Variants in ADCY2 observed in about 807,000 individuals in gnomAD.
ADCY2 encodes adenylate cyclase type 2.
In ADCY2, 31 loss-of-function variants were observed where a neutral mutation model predicts 125.2. The ratio of observed to expected loss-of-function variants is 0.25; its 90% CI spans 0.19 to 0.33. The LOEUF is 0.33. Among genes scored for constraint, ADCY2 ranks in the 10% least tolerant of loss-of-function variants. The probability of loss-of-function intolerance (pLI) is 1.00; values close to 1 mark genes in which losing one functional copy is unlikely to be tolerated. For synonymous variants in ADCY2, 512 were observed against 548.4 expected (o/e 0.93, Z 0.93); for missense variants, 904 against 1,418.2 (o/e 0.64, Z 5.82).
intron 2 of ADCY2, among the ~76,000 whole-genome samples, chr5:7,450,638 A>G (rs1273143284): frequency 6.6e-6 from 1 of 152,206 alleles, no homozygotes; most frequent in Non-Finnish European, 1.5e-5. Flanking sequence ...AAGTAGACAA[A>G]ATAACCTTCT....
intron 2 of ADCY2, among the ~76,000 whole-genome samples, chr5:7,487,642 A>G (rs763337334): frequency 6.6e-6 from 1 of 152,178 alleles, no homozygotes; most frequent in African/African-American, 2.4e-5. Flanking sequence ...TGGTTTGTTC[A>G]GTGGCAAAGC....
intron 24 of ADCY2, among the ~76,000 whole-genome samples, chr5:7,825,710 C>T (rs1745455448): frequency 6.6e-6 from 1 of 152,230 alleles, no homozygotes; most frequent in African/African-American, 2.4e-5. Flanking sequence ...AGGCCTCACC[C>T]TCAGACCACG....
At chr5:7,618,665 G>A (rs1385691286) in intron 3 of ADCY2, among the ~76,000 whole-genome samples, 1 of 152,094 alleles carries the variant, frequency 6.6e-6, no homozygotes, top group Non-Finnish European at 1.5e-5. Flanking sequence ...AATTAGAAAT[G>A]GTGTTTAAAT....
intron 2 of ADCY2, among the ~76,000 whole-genome samples, chr5:7,422,005 C>G (rs1463669078): frequency 6.6e-6 from 1 of 152,192 alleles, no homozygotes; most frequent in East Asian, 1.9e-4. Flanking sequence ...GGCATGTTAG[C>G]ATGCTAGATG....
At chr5:7,478,423 G>A (rs150868269) in intron 2 of ADCY2, among the ~76,000 whole-genome samples, 7 of 152,260 alleles carry the variant, frequency 4.6e-5, no homozygotes, top group Admixed American at 3.9e-4. Flanking sequence ...ACACATTTTT[G>A]TGTATACATA....
intron 13 of ADCY2, among the ~76,000 whole-genome samples, 153 bp downstream of exon 13, chr5:7,724,767 T>C (rs1164685796): frequency 6.6e-6 from 1 of 152,214 alleles, no homozygotes; most frequent in Non-Finnish European, 1.5e-5. Context: ...CTTTCATGCA[T>C]ATATTGCTTT....
At chr5:7,817,263 C>T (rs957046363) in intron 23 of ADCY2, among the ~76,000 whole-genome samples, 2 of 152,116 alleles carry the variant, frequency 1.3e-5, no homozygotes, top group Admixed American at 1.3e-4. Flanking sequence ...GTGAGACATC[C>T]ACTAAGAGCT....
chr5:7,440,673 C>A (rs1029591807), intron 2 of ADCY2, among the ~76,000 whole-genome samples: 3 of 152,106 alleles, frequency 2.0e-5, no homozygotes, highest in Non-Finnish European at 4.4e-5. Flanking sequence ...ATTAAAGATG[C>A]CAGTGATCCT....
At chr5:7,727,022 G>A in intron 13 of ADCY2, 142 bp from the exon 14 acceptor site, 1 of 615,866 alleles carries the variant, frequency 1.6e-6, no homozygotes, top group Non-Finnish European at 2.8e-6. Flanking sequence ...AGATGAACAG[G>A]CTTTCTCCTT....
chr5:7,708,534 C>T (rs530325250), intron 9 of ADCY2, among the ~76,000 whole-genome samples: 1 of 152,302 alleles, frequency 6.6e-6, no homozygotes, highest in South Asian at 2.1e-4. Flanking sequence ...GAATCTGAAG[C>T]TTTCAGGGGT....
At chr5:7,465,054 C>T (rs1417325614) in intron 2 of ADCY2, among the ~76,000 whole-genome samples, 1 of 152,182 alleles carries the variant, frequency 6.6e-6, no homozygotes, top group East Asian at 1.9e-4. Flanking sequence ...CATTAGATCT[C>T]ATGAGACTTA....
Position 7,711,842 on chromosome 5 carries a change from T to G in ADCY2, c.1579-1014T>G, listed in dbSNP as rs139307621. 1.1e-3 allele frequency among the ~76,000 whole-genome samples: 166 copies of G among 152,332 alleles called. 3 individuals are homozygous for G. The East Asian group carries it at 0.024, about 22-fold the overall frequency. Reference sequence around the variant, plus strand: ...TGCCTTAGTAGCAGTATAGCATACTTTAAGAAAGCCCCAAGTTTTTGGTGA... The same window carrying G: ...TGCCTTAGTAGCAGTATAGCATACTGTAAGAAAGCCCCAAGTTTTTGGTGA... On this transcript the variant is annotated intron_variant, in intron 10 of 24. Coordinates refer to ENST00000338316, the MANE Select transcript of ADCY2 (RefSeq NM_020546.3).
intron 3 of ADCY2, among the ~76,000 whole-genome samples, chr5:7,555,780 T>A (rs1579568741): frequency 6.6e-6 from 1 of 151,888 alleles, no homozygotes; most frequent in East Asian, 1.9e-4. Flanking sequence ...GTTTTCATAA[T>A]GAGACTTAAT....
intron 2 of ADCY2, among the ~76,000 whole-genome samples, chr5:7,438,443 G>A (rs1235361373): frequency 6.6e-6 from 1 of 152,182 alleles, no homozygotes; most frequent in Non-Finnish European, 1.5e-5. Flanking sequence ...GGAAATAAGT[G>A]AATAATATGA....
chr5:7,498,153 T>A (rs2126498395), intron 2 of ADCY2, among the ~76,000 whole-genome samples: 1 of 152,140 alleles, frequency 6.6e-6, no homozygotes, highest in East Asian at 1.9e-4. Context: ...ATGTTATAAT[T>A]TCTGAAAATA....
chr5:7,440,261 C>T (rs77302515), intron 2 of ADCY2, among the ~76,000 whole-genome samples: 1,717 of 152,258 alleles, frequency 0.011, 33 homozygotes, highest in African/African-American at 0.039. Flanking sequence ...TGAGCCCTCA[C>T]TTAGAGATCG....
intron 3 of ADCY2, among the ~76,000 whole-genome samples, chr5:7,559,134 G>A (rs930165173): frequency 2.0e-5 from 3 of 152,022 alleles, no homozygotes; most frequent in Admixed American, 6.6e-5. Context: ...GTTATTTTTG[G>A]TTAGGATTGC....
chr5:7,620,577 G>T lies in ADCY2; in HGVS notation c.571-5590G>T, dbSNP rs1737921394. Among the ~76,000 whole-genome samples the T allele has an allele frequency of 1.3e-5, 2 of 152,132 alleles. 1 individual carries two copies. The highest frequency in any genetic ancestry group is 4.8e-5 in the African/African-American group (2 of 41,428). On this transcript the variant is annotated intron_variant, in intron 3 of 24. Transcript: ENST00000338316. ...CACATAGCAAATTTAATTCTTAGAG[G>T]GCTGTGAAAAATGCTAAGGAGATGG...
intron 3 of ADCY2, among the ~76,000 whole-genome samples, chr5:7,540,032 A>G (rs1579552757): frequency 2.6e-5 from 4 of 152,222 alleles, no homozygotes; most frequent in African/African-American, 9.6e-5. Context: ...ACTCCTCGCA[A>G]CATGGATGGA....
Sources: allele counts gnomAD v4.1 joint callset (sites outside exome capture counted in the v4.1 genomes callset), GRCh38; gene constraint gnomAD v4.1.1; transcripts MANE v1.5; gene names NCBI Gene and HGNC (gene_info 2026-07-23, HGNC 2026-07-21).